MTUS2: variants seen among roughly 807,000 people sequenced by gnomAD.
MTUS2 encodes microtubule-associated tumor suppressor candidate 2.
MTUS2 carries 40 observed loss-of-function variants against 114.1 expected under a neutral mutation model. The observed-to-expected ratio is 0.35, with a 90% CI of 0.27 to 0.46. The LOEUF (loss-of-function observed/expected upper bound fraction) is 0.46, where lower values mean the gene tolerates loss of function less well. Among genes scored for constraint, MTUS2 ranks in the 20% least tolerant of loss-of-function variants. MTUS2 has a pLI of 1.00. For synonymous variants in MTUS2, 688 were observed against 672.0 expected, an observed-to-expected ratio of 1.02 and a Z score of -0.37; for missense variants, 1,679 against 1,705.4, an observed-to-expected ratio of 0.98 and a Z score of 0.27.
intron 4 of MTUS2, among the ~76,000 whole-genome samples, chr13:29,097,928 C>T (rs1008300797): frequency 1.3e-5 from 2 of 152,108 alleles, no homozygotes; most frequent in African/African-American, 2.4e-5. Context: ...ATAGTAAGTA[C>T]TATATATTTT....
chr13:29,313,950 C>T (rs1372630768), intron 6 of MTUS2, among the ~76,000 whole-genome samples: 1 of 152,060 alleles, frequency 6.6e-6, no homozygotes, highest in South Asian at 2.1e-4. Flanking sequence ...GTTAAAATTC[C>T]ACACTCAGCC....
At position 29,483,651 on chromosome 13, in the gene MTUS2, C is replaced by T. The variant is rs73154406; in HGVS notation, c.3399+3287C>T. 7.2e-3 allele frequency among the ~76,000 whole-genome samples: 1,103 copies of T among 152,208 alleles called. 8 individuals are homozygous for T. Among genetic ancestry groups the T allele is most frequent in the Non-Finnish European group, 0.011 (779 of 68,014 alleles). Reference sequence around the variant, plus strand: ...TCGAGTTAAGGACCTGAGGGAGGGGCGCTGAGGGGGACCTGAGGGGGTGGT... The same window carrying T: ...TCGAGTTAAGGACCTGAGGGAGGGGTGCTGAGGGGGACCTGAGGGGGTGGT... On this transcript the variant is annotated intron_variant, in intron 10 of 15. Transcript: ENST00000612955.
At chr13:29,072,837 A>ACAAGG (rs1889004009) in intron 4 of MTUS2, among the ~76,000 whole-genome samples, 4 of 152,252 alleles carry the variant, frequency 2.6e-5, no homozygotes, top group African/African-American at 4.8e-5. Context: ...TCTGAAAGAT[A>ACAAGG]TTAGTACAAG....
intron 1 of MTUS2, among the ~76,000 whole-genome samples, chr13:28,827,408 A>G (rs115504830): frequency 6.3e-4 from 96 of 152,316 alleles, no homozygotes; most frequent in African/African-American, 2.2e-3. Context: ...ATTTTAATAT[A>G]AATACATTGT....
chr13:28,960,907 C>T (rs1883296759), intron 2 of MTUS2, among the ~76,000 whole-genome samples: 2 of 151,546 alleles, frequency 1.3e-5, no homozygotes, highest in Non-Finnish European at 2.9e-5. Flanking sequence ...ATTACAGGCA[C>T]ACTTGAAAAA....
At chr13:28,829,698 AT>A (rs975886997) in intron 1 of MTUS2, among the ~76,000 whole-genome samples, 5 of 152,230 alleles carry the variant, frequency 3.3e-5, no homozygotes, top group African/African-American at 1.2e-4. Context: ...GCCCTGTGGC[AT>A]TTTTGGAAAA....
At chr13:28,957,490 C>T (rs1175543191) in intron 2 of MTUS2, among the ~76,000 whole-genome samples, 4 of 152,178 alleles carry the variant, frequency 2.6e-5, no homozygotes, top group Admixed American at 1.3e-4. Flanking sequence ...ATTGAACATG[C>T]ACAGACTTTT....
At chr13:28,996,337 A>G (rs1025443728) in intron 2 of MTUS2, among the ~76,000 whole-genome samples, 3 of 152,204 alleles carry the variant, frequency 2.0e-5, no homozygotes, top group African/African-American at 7.2e-5. Context: ...AATGTTCATC[A>G]AGGATATTGG....
chr13:29,127,563 T>C (rs1010807600), intron 5 of MTUS2, among the ~76,000 whole-genome samples: 1 of 152,198 alleles, frequency 6.6e-6, no homozygotes, highest in African/African-American at 2.4e-5. Flanking sequence ...TGCCCCCAAG[T>C]TTCCACCCTG....
chr13:29,345,604 G>A (rs748742534), intron 7 of MTUS2, among the ~76,000 whole-genome samples: 1 of 151,462 alleles, frequency 6.6e-6, no homozygotes, highest in Admixed American at 6.6e-5. Context: ...CCTTTCTCTG[G>A]TGCCTCCATG....
At chr13:29,289,618 G>A (rs1898626060) in intron 6 of MTUS2, among the ~76,000 whole-genome samples, 1 of 151,714 alleles carries the variant, frequency 6.6e-6, no homozygotes, top group Non-Finnish European at 1.5e-5. Flanking sequence ...ACCCACCACT[G>A]CACCCGGGTA....
At chr13:29,440,207 T>G (rs1877730315) in intron 9 of MTUS2, among the ~76,000 whole-genome samples, 158 bp downstream of exon 9, 1 of 152,232 alleles carries the variant, frequency 6.6e-6, no homozygotes, top group Non-Finnish European at 1.5e-5. Flanking sequence ...TGCTGTAGCC[T>G]TAGCGGGGAA....
At chr13:28,843,048 TC>T (rs1181700806) in intron 2 of MTUS2, among the ~76,000 whole-genome samples, 1 of 152,178 alleles carries the variant, frequency 6.6e-6, no homozygotes, top group Non-Finnish European at 1.5e-5. Flanking sequence ...GCTCTACTCT[TC>T]AATGTCTTTT....
chr13:29,200,157 T>C (rs1291279326), intron 5 of MTUS2, among the ~76,000 whole-genome samples: 1 of 151,904 alleles, frequency 6.6e-6, no homozygotes, highest in Non-Finnish European at 1.5e-5. Flanking sequence ...ATTCATTGAC[T>C]TTTTTTTAAG....
intron 11 of MTUS2, among the ~76,000 whole-genome samples, chr13:29,490,898 T>G (rs772412542): frequency 6.6e-6 from 1 of 152,214 alleles, no homozygotes; most frequent in Non-Finnish European, 1.5e-5. Context: ...TATTTTGCCA[T>G]GAGAACAGTT....
At chr13:29,335,865 T>C (rs1901037855) in intron 7 of MTUS2, among the ~76,000 whole-genome samples, 1 of 152,216 alleles carries the variant, frequency 6.6e-6, no homozygotes, top group South Asian at 2.1e-4. Flanking sequence ...CCCATATTTC[T>C]TGGCAGCTTT....
chr13:28,938,474 T>G (rs538303189), intron 2 of MTUS2, among the ~76,000 whole-genome samples: 1 of 152,184 alleles, frequency 6.6e-6, no homozygotes, highest in African/African-American at 2.4e-5. Flanking sequence ...ATCAGAATGA[T>G]AAGAATATTT....
In MTUS2 at chr13:29,024,691, G is replaced by A. The variant is rs1247203141; in HGVS notation, c.-8G>A. 3.1e-6 allele frequency: 5 copies of A among 1,612,820 alleles called. No homozygotes were observed. The highest frequency in any genetic ancestry group is 4.2e-6 in the Non-Finnish European group (5 of 1,179,408). The stretch of plus-strand genomic sequence containing the variant: ...TGCATGGCAAGCAGCCCCACCAAAG[G>A]GTTGACAATGAGCGTCCCAGTGGCT... On this transcript the variant is annotated 5_prime_UTR_variant, in exon 3 of 16. Transcript: ENST00000612955.
intron 5 of MTUS2, among the ~76,000 whole-genome samples, chr13:29,266,807 T>C (rs1339401259): frequency 6.6e-6 from 1 of 152,128 alleles, no homozygotes; most frequent in Non-Finnish European, 1.5e-5. Context: ...ATTTATCTGC[T>C]TGGACAGCGG....
Sources: gnomAD v4.1 joint callset for allele counts (sites outside exome capture counted in the v4.1 genomes callset) on GRCh38, gnomAD v4.1.1 for gene constraint, MANE v1.5 for transcripts, NCBI Gene and HGNC (gene_info 2026-07-23, HGNC 2026-07-21) for gene names.